The following ZFAND3 variants were observed in gnomAD, a reference collection of about 807,000 sequenced individuals.
The protein encoded by ZFAND3 is zinc finger AN1-type containing 3.
In ZFAND3, 10 loss-of-function variants were observed where a neutral mutation model predicts 29.6. The observed-to-expected ratio is 0.34, with a 90% CI of 0.21 to 0.57. ZFAND3 has a LOEUF of 0.57. Among genes scored for constraint, ZFAND3 ranks in the 20% least tolerant of loss-of-function variants. The probability of loss-of-function intolerance (pLI) is 0.86; values close to 1 mark genes in which losing one functional copy is unlikely to be tolerated. For missense variants in ZFAND3, 230 were observed against 304.5 expected, an observed-to-expected ratio of 0.76 and a Z score of 1.82; for synonymous variants, 128 against 112.6, an observed-to-expected ratio of 1.14 and a Z score of -0.87.
At chr6:38,020,291 A>G (rs1215601373) in intron 2 of ZFAND3, among the ~76,000 whole-genome samples, 1 of 152,218 alleles carries the variant, frequency 6.6e-6, no homozygotes, top group East Asian at 1.9e-4. Flanking sequence ...TTATAATCCA[A>G]CACACATTAG....
chr6:38,015,807 A>C (rs1581841231), intron 2 of ZFAND3, among the ~76,000 whole-genome samples: 2 of 152,198 alleles, frequency 1.3e-5, no homozygotes, highest in South Asian at 4.1e-4. Context: ...TACTTCTAGG[A>C]AACAGAGAAG....
At chr6:37,846,798 G>A (rs1478278737) in intron 1 of ZFAND3, among the ~76,000 whole-genome samples, 2 of 149,432 alleles carry the variant, frequency 1.3e-5, no homozygotes, top group African/African-American at 2.5e-5. Flanking sequence ...TGCAACCTCC[G>A]CCGCCCAGGT....
intron 4 of ZFAND3, among the ~76,000 whole-genome samples, chr6:38,098,979 T>C (rs1162030002): frequency 6.6e-6 from 1 of 152,168 alleles, no homozygotes; most frequent in Non-Finnish European, 1.5e-5. Flanking sequence ...GCCTTGGAAG[T>C]TAAATATTTC....
chr6:38,026,294 C>T (rs750376115), intron 2 of ZFAND3, among the ~76,000 whole-genome samples: 15 of 151,948 alleles, frequency 9.9e-5, no homozygotes, highest in African/African-American at 2.4e-4. Context: ...CTTCTTTTGC[C>T]GTCTGTTTTA....
intron 4 of ZFAND3, among the ~76,000 whole-genome samples, chr6:38,108,570 C>G (rs1313779528): frequency 1.3e-5 from 2 of 152,156 alleles, no homozygotes; most frequent in Non-Finnish European, 2.9e-5. Context: ...GCAGGAGGAG[C>G]AGAAGCAAGC....
intron 1 of ZFAND3, among the ~76,000 whole-genome samples, chr6:37,843,354 G>A (rs1445931407): frequency 1.3e-5 from 2 of 151,846 alleles, no homozygotes; most frequent in African/African-American, 4.8e-5. Context: ...GGGTGTGGTG[G>A]CGGGCACCTG....
At chr6:38,117,958 G>C (rs970995165) in intron 5 of ZFAND3, among the ~76,000 whole-genome samples, 10 of 152,192 alleles carry the variant, frequency 6.6e-5, no homozygotes, top group Non-Finnish European at 1.0e-4. Flanking sequence ...ACACATTCTG[G>C]TGTATGCGGT....
intron 2 of ZFAND3, among the ~76,000 whole-genome samples, chr6:37,998,761 T>TG (rs1227509263): frequency 1.3e-5 from 2 of 151,962 alleles, no homozygotes. Flanking sequence ...ATTGTTGGGG[T>TG]GGGTATTTAC....
At position 38,101,729 on chromosome 6, in the gene ZFAND3, G is replaced by A. The variant is rs535614935; in HGVS notation, c.362-14843G>A. Among the ~76,000 whole-genome samples, 427 of 138,768 alleles carry A rather than the reference G, an allele frequency of 3.1e-3. 3 individuals are homozygous for A. The highest frequency in any genetic ancestry group is 0.011 in the African/African-American group (404 of 36,422). 91.0% of individuals were successfully genotyped at this position (138,768 alleles called of 152,430 possible). On this transcript the variant is annotated intron_variant, in intron 4 of 5. Coordinates refer to ENST00000287218, the MANE Select transcript of ZFAND3 (RefSeq NM_021943.3). Reference sequence around the variant, plus strand: ...GTGGAGGTTGCGGTGAGCGGAGATCGTGCCACTGTACTCCAGCCTGGCAAC... The same window carrying A: ...GTGGAGGTTGCGGTGAGCGGAGATCATGCCACTGTACTCCAGCCTGGCAAC...
intron 2 of ZFAND3, among the ~76,000 whole-genome samples, chr6:38,056,423 A>G (rs1055280063): frequency 2.6e-4 from 39 of 152,342 alleles, no homozygotes; most frequent in Admixed American, 2.5e-3. Flanking sequence ...TGAAAGACGT[A>G]TTATTGTAAT....
At chr6:38,043,801 C>CTTAT (rs148013161) in intron 2 of ZFAND3, among the ~76,000 whole-genome samples, 33,118 of 150,222 alleles carry the variant, frequency 0.22, 3,800 homozygotes, top group Non-Finnish European at 0.26. Flanking sequence ...TGCTCGCTTG[C>CTTAT]TTATTTATTT....
At chr6:38,129,891 T>A (rs1765710622) in intron 5 of ZFAND3, among the ~76,000 whole-genome samples, 1 of 152,104 alleles carries the variant, frequency 6.6e-6, no homozygotes, top group African/African-American at 2.4e-5. Flanking sequence ...TTGCACTGAA[T>A]TTGTAGATTG....
chr6:38,012,335 A>G (rs1047826251), intron 2 of ZFAND3, among the ~76,000 whole-genome samples: 1 of 150,428 alleles, frequency 6.6e-6, no homozygotes, highest in Non-Finnish European at 1.5e-5. Flanking sequence ...AACTATTAAC[A>G]CTTCATTACC....
At chr6:37,853,962 T>A (rs967990022) in intron 1 of ZFAND3, among the ~76,000 whole-genome samples, 2 of 152,176 alleles carry the variant, frequency 1.3e-5, no homozygotes, top group Admixed American at 1.3e-4. Context: ...ATTTTTTTTT[T>A]ATTTTTTAGA....
At chr6:38,088,360 A>G (rs1010334711) in intron 4 of ZFAND3, 2 of 152,182 alleles carry the variant, frequency 1.3e-5, no homozygotes, top group African/African-American at 4.8e-5. Flanking sequence ...ACTCATGGAC[A>G]TAAAAAGTAG....
intron 1 of ZFAND3, among the ~76,000 whole-genome samples, chr6:37,899,178 G>A (rs1765273557): frequency 6.6e-6 from 1 of 152,148 alleles, no homozygotes; most frequent in African/African-American, 2.4e-5. Flanking sequence ...GGATTTACAG[G>A]CATGAGCCAC....
At chr6:38,063,386 C>G (rs556489474) in intron 3 of ZFAND3, among the ~76,000 whole-genome samples, 1 of 152,300 alleles carries the variant, frequency 6.6e-6, no homozygotes, top group Admixed American at 6.5e-5. Context: ...TTGATAATGT[C>G]TGGAGACCAG....
intron 5 of ZFAND3, among the ~76,000 whole-genome samples, chr6:38,139,031 A>G (rs1765898383): frequency 6.6e-6 from 1 of 152,250 alleles, no homozygotes; most frequent in South Asian, 2.1e-4. Flanking sequence ...GGGTGATTTT[A>G]GAGGAGAAAC....
At chr6:38,037,562 G>T (rs545998421) in intron 2 of ZFAND3, among the ~76,000 whole-genome samples, 2 of 152,322 alleles carry the variant, frequency 1.3e-5, no homozygotes, top group African/African-American at 4.8e-5. Context: ...TGATTGAAAA[G>T]CATCAGCTAA....
Sources: allele counts gnomAD v4.1 joint callset (sites outside exome capture counted in the v4.1 genomes callset), GRCh38; gene constraint gnomAD v4.1.1; transcripts MANE v1.5; gene names NCBI Gene and HGNC (gene_info 2026-07-23, HGNC 2026-07-21).